The following CCDC122 variants were observed in gnomAD, a reference collection of about 807,000 sequenced individuals.
CCDC122 encodes coiled-coil domain containing 122.
In CCDC122, 38 loss-of-function variants were observed where a neutral mutation model predicts 37.0. That is an observed-to-expected ratio of 1.03 (90% CI 0.79 to 1.35). CCDC122 has a LOEUF of 1.35. Among genes scored for constraint, CCDC122 ranks in the 40% most tolerant of loss-of-function variants. CCDC122 has a pLI of 0.00. For missense variants in CCDC122, 305 were observed against 310.0 expected (o/e 0.98, Z 0.12); for synonymous variants, 83 against 95.6 (o/e 0.87, Z 0.77).
At chr13:43,838,859 C>T (rs867803658) in intron 6 of CCDC122, among the ~76,000 whole-genome samples, 9 of 152,232 alleles carry the variant, frequency 5.9e-5, no homozygotes, top group South Asian at 4.2e-4. Flanking sequence ...ATCATGCTAG[C>T]GCATACATTG....
At chr13:43,848,828 C>T in intron 6 of CCDC122, 2 of 922,222 alleles carry the variant, frequency 2.2e-6, no homozygotes, top group Non-Finnish European at 2.6e-6. Context: ...TGCTGTAGTC[C>T]AGGCAAAAGA....
chr13:43,835,079 G>A (rs1054474572), downstream of CCDC122, among the ~76,000 whole-genome samples: 1 of 151,898 alleles, frequency 6.6e-6, no homozygotes, highest in Admixed American at 6.6e-5. Flanking sequence ...AACAATGATA[G>A]ACTGGATTAA....
intron 6 of CCDC122, among the ~76,000 whole-genome samples, chr13:43,838,225 AAATTT>A (rs1488047601): frequency 6.6e-6 from 1 of 152,118 alleles, no homozygotes; most frequent in African/African-American, 2.4e-5. Context: ...TATATTTATC[AAATTT>A]AATTTGTCTA....
chr13:43,860,149 G>C (rs1290759115), intron 4 of CCDC122, 79 bp from the exon 5 acceptor site: 2 of 296,374 alleles, frequency 6.7e-6, no homozygotes, highest in Non-Finnish European at 9.0e-6. Context: ...AATCCATAAT[G>C]AATATAGGAA....
At chr13:43,830,067 G>C (rs534282051) in intron 3 of CCDC122, among the ~76,000 whole-genome samples, 1 of 152,032 alleles carries the variant, frequency 6.6e-6, no homozygotes, top group South Asian at 2.1e-4. Context: ...GTAGAGACAG[G>C]GTTTCACCAC....
chr13:43,832,514 T>C (rs1315263585), downstream of CCDC122, among the ~76,000 whole-genome samples: 1 of 152,178 alleles, frequency 6.6e-6, no homozygotes, highest in African/African-American at 2.4e-5. Flanking sequence ...GCAATTTTCA[T>C]AAATGGGATT....
At chr13:43,869,713 A>AAC (rs1954386772) in intron 2 of CCDC122, among the ~76,000 whole-genome samples, 1 of 151,238 alleles carries the variant, frequency 6.6e-6, no homozygotes, top group African/African-American at 2.5e-5. Flanking sequence ...CTGTTCTAAT[A>AAC]ATTAAAGTAA....
At chr13:43,857,721 G>A (rs1179233515) in intron 6 of CCDC122, among the ~76,000 whole-genome samples, 1 of 151,980 alleles carries the variant, frequency 6.6e-6, no homozygotes, top group Non-Finnish European at 1.5e-5. Context: ...TGGCCAACAT[G>A]GTGAAACCCC....
intron 4 of CCDC122, among the ~76,000 whole-genome samples, chr13:43,866,655 C>T (rs1954285007): frequency 6.6e-6 from 1 of 152,118 alleles, no homozygotes; most frequent in African/African-American, 2.4e-5. Context: ...AACCTTTTGT[C>T]AAATTTGCCC....
intron 1 of CCDC122, among the ~76,000 whole-genome samples, chr13:43,875,179 C>T (rs1954570765): frequency 6.6e-6 from 1 of 152,174 alleles, no homozygotes; most frequent in Non-Finnish European, 1.5e-5. Flanking sequence ...AGATTTCTAC[C>T]TCTGGGACAG....
intron 2 of CCDC122, 23 bp from the exon 3 acceptor site, chr13:43,869,512 AAC>A (rs1256208057): frequency 1.6e-6 from 1 of 626,228 alleles, no homozygotes; most frequent in Non-Finnish European, 2.7e-6. Context: ...TTAATTGTCA[AAC>A]ATGTCACAGG....
At chr13:43,819,037 AAT>A (rs968539359), downstream of CCDC122, among the ~76,000 whole-genome samples, 1 of 151,960 alleles carries the variant, frequency 6.6e-6, no homozygotes, top group African/African-American at 2.4e-5. Flanking sequence ...TAATTAAAAA[AAT>A]ATTTAGCAGA....
chr13:43,831,080 T>C (rs963295353), intron 3 of CCDC122, among the ~76,000 whole-genome samples: 1 of 152,232 alleles, frequency 6.6e-6, no homozygotes, highest in Non-Finnish European at 1.5e-5. Context: ...ATATGTTTTA[T>C]TTGTATGAAA....
At chr13:43,877,247 T>C (rs1594867576) in intron 1 of CCDC122, among the ~76,000 whole-genome samples, 2 of 152,322 alleles carry the variant, frequency 1.3e-5, no homozygotes, top group South Asian at 4.1e-4. Context: ...AGAGATAGTA[T>C]GCAGAATTCC....
chr13:43,839,840 T>G (rs1223142773), intron 6 of CCDC122, among the ~76,000 whole-genome samples: 3 of 152,210 alleles, frequency 2.0e-5, no homozygotes, highest in Non-Finnish European at 2.9e-5. Flanking sequence ...AGAGTTTAAT[T>G]GAGCAATGAA....
At chr13:43,843,535 T>C (rs571466088) in intron 6 of CCDC122, among the ~76,000 whole-genome samples, 1 of 151,974 alleles carries the variant, frequency 6.6e-6, no homozygotes, top group Admixed American at 6.5e-5. Context: ...AGGATTCCTA[T>C]CAATTTTGTT....
intron 2 of CCDC122, among the ~76,000 whole-genome samples, chr13:43,872,292 C>T (rs1004677469): frequency 2.6e-5 from 4 of 152,070 alleles, no homozygotes; most frequent in African/African-American, 9.7e-5. Context: ...CCTTACAGCT[C>T]ACTCCCTGTC....
chr13:43,840,257 C>T (rs765904430), intron 6 of CCDC122, among the ~76,000 whole-genome samples: 1 of 152,164 alleles, frequency 6.6e-6, no homozygotes, highest in African/African-American at 2.4e-5. Context: ...CCTCTCATTA[C>T]AGTAAAACAC....
chr13:43,824,878 T>C (rs900625779), intron 3 of CCDC122, among the ~76,000 whole-genome samples: 1 of 152,184 alleles, frequency 6.6e-6, no homozygotes, highest in Non-Finnish European at 1.5e-5. Context: ...GAATGGCTAT[T>C]GTTAAAAAGT....
Sources: allele counts gnomAD v4.1 joint callset (sites outside exome capture counted in the v4.1 genomes callset), GRCh38; gene constraint gnomAD v4.1.1; transcripts MANE v1.5; gene names NCBI Gene and HGNC (gene_info 2026-07-23, HGNC 2026-07-21).